Variants in CFDP1 observed in about 807,000 individuals in gnomAD.
CFDP1 encodes chromatin remodeling protein CFDP1, also known as heterochromatin-stabilizing protein CFDP1.
In CFDP1, 31 loss-of-function variants were observed where a neutral mutation model predicts 40.1. The ratio of observed to expected loss-of-function variants is 0.77; its 90% CI spans 0.58 to 1.04. CFDP1 has a LOEUF of 1.04. Ranked by LOEUF, CFDP1 falls within the 50% of genes least tolerant of loss-of-function variation. The probability of loss-of-function intolerance (pLI) is 0.00; values close to 1 mark genes in which losing one functional copy is unlikely to be tolerated. For missense variants in CFDP1, 423 were observed against 343.4 expected, an observed-to-expected ratio of 1.23 and a Z score of -1.83; for synonymous variants, 167 against 120.0, an observed-to-expected ratio of 1.39 and a Z score of -2.56.
intron 6 of CFDP1, 122 bp downstream of exon 6, chr16:75,304,902 C>G (rs937891653): frequency 2.8e-6 from 3 of 1,061,382 alleles, no homozygotes; most frequent in Non-Finnish European, 4.1e-6. Flanking sequence ...CCAAAGTGCT[C>G]ACATTTTTAG....
chr16:75,404,249 T>C (rs1263379947), intron 4 of CFDP1, among the ~76,000 whole-genome samples: 1 of 151,222 alleles, frequency 6.6e-6, no homozygotes, highest in Non-Finnish European at 1.5e-5. Context: ...TCTTTTTTTT[T>C]TTTTGAGACG....
At chr16:75,341,653 T>C (rs1230753360) in intron 5 of CFDP1, among the ~76,000 whole-genome samples, 1 of 149,242 alleles carries the variant, frequency 6.7e-6, no homozygotes, top group Non-Finnish European at 1.5e-5. Context: ...CAGCAGAGTG[T>C]AGAAAGGAAA....
intron 5 of CFDP1, among the ~76,000 whole-genome samples, chr16:75,323,471 T>C (rs2078380236): frequency 6.6e-6 from 1 of 151,646 alleles, no homozygotes; most frequent in Non-Finnish European, 1.5e-5. Context: ...GAATACACTC[T>C]AAAATAACAA....
At chr16:75,355,649 G>T (rs1459387520) in intron 5 of CFDP1, among the ~76,000 whole-genome samples, 1 of 152,146 alleles carries the variant, frequency 6.6e-6, no homozygotes. Context: ...GTCAAAGGCA[G>T]GATAAGGTGG....
At chr16:75,315,618 C>A (rs1297690573) in intron 5 of CFDP1, among the ~76,000 whole-genome samples, 1 of 152,092 alleles carries the variant, frequency 6.6e-6, no homozygotes, top group Non-Finnish European at 1.5e-5. Flanking sequence ...GAAAACAGAA[C>A]CACTATTTAT....
At chr16:75,323,055 C>T (rs909975308) in intron 5 of CFDP1, among the ~76,000 whole-genome samples, 8 of 151,994 alleles carry the variant, frequency 5.3e-5, no homozygotes, top group African/African-American at 1.9e-4. Flanking sequence ...AAAATTTAAC[C>T]TTAGCTTACT....
intron 6 of CFDP1, among the ~76,000 whole-genome samples, chr16:75,296,487 G>T (rs2078183242): frequency 6.6e-6 from 1 of 151,908 alleles, no homozygotes; most frequent in South Asian, 2.1e-4. Flanking sequence ...TCCTCACCTT[G>T]GCCTCCCAAG....
chr16:75,320,257 C>G (rs2078352931), intron 5 of CFDP1, among the ~76,000 whole-genome samples: 1 of 152,040 alleles, frequency 6.6e-6, no homozygotes, highest in African/African-American at 2.4e-5. Flanking sequence ...ATTCTGAGAC[C>G]CCCTCGGAGC....
At chr16:75,325,968 G>A (rs1034947238) in intron 5 of CFDP1, among the ~76,000 whole-genome samples, 9 of 152,308 alleles carry the variant, frequency 5.9e-5, no homozygotes, top group African/African-American at 1.7e-4. Context: ...CCTGCAGAAC[G>A]TTCAATAATC....
At chr16:75,323,844 A>G (rs928311014) in intron 5 of CFDP1, among the ~76,000 whole-genome samples, 17 of 151,844 alleles carry the variant, frequency 1.1e-4, no homozygotes, top group Non-Finnish European at 8.8e-5. Context: ...ATTCTCTTTT[A>G]TATGACTGGC....
chr16:75,382,957 G>C (rs2078864239), intron 5 of CFDP1, among the ~76,000 whole-genome samples: 1 of 152,152 alleles, frequency 6.6e-6, no homozygotes, highest in Admixed American at 6.5e-5. Flanking sequence ...TCTCAAATTA[G>C]CAACTACTGA....
Position 75,367,164 on chromosome 16 carries a change from CAAAA to C in CFDP1, c.650+27922_650+27925del, listed in dbSNP as rs35018865. 2.8e-4 allele frequency among the ~76,000 whole-genome samples: 24 copies of C among 86,974 alleles called. No homozygotes were observed. The South Asian group carries it at 8.3e-3, about 30-fold the overall frequency. The allele number at this position is 86,974 out of a possible 152,430, so 57.1% of individuals were successfully genotyped here. On this transcript the variant is annotated intron_variant, in intron 5 of 6. Coordinates refer to ENST00000283882, the MANE Select transcript of CFDP1 (RefSeq NM_006324.3). ...GAGTGACAGGAACGAGACTCCATCT[CAAAA>C]AAAAAAAAAAAAAAAAATTACTACA...
rs557979724 is a variant in CFDP1, at chr16:75,367,930, CT to C, written c.650+27159del. 3.9e-3 allele frequency among the ~76,000 whole-genome samples: 590 copies of C among 152,022 alleles called. 8 individuals carry two copies. The highest frequency in any genetic ancestry group is 0.013 in the African/African-American group (554 of 41,468). ...GACCAGCCCAGCCAACATGGTGAAA[CT>C]CTGCCTCTACTAAAAATACAAAAAT... On this transcript the variant is annotated intron_variant, in intron 5 of 6. Coordinates refer to ENST00000283882, the MANE Select transcript of CFDP1 (RefSeq NM_006324.3).
chr16:75,411,675 T>A, intron 4 of CFDP1, 150 bp downstream of exon 4: 4 of 751,196 alleles, frequency 5.3e-6, no homozygotes, highest in Non-Finnish European at 8.5e-6. Context: ...TACTCCCTGG[T>A]AATTTATAGA....
At chr16:75,411,787 G>T (rs183166002) in intron 4 of CFDP1, 38 bp downstream of exon 4, 1 of 1,589,738 alleles carries the variant, frequency 6.3e-7, no homozygotes, top group Admixed American at 1.8e-5. Flanking sequence ...GCTCATTTTT[G>T]AAAATGCTAG....
intron 5 of CFDP1, among the ~76,000 whole-genome samples, chr16:75,349,365 C>T (rs2078591764): frequency 6.6e-6 from 1 of 151,336 alleles, no homozygotes; most frequent in South Asian, 2.1e-4. Flanking sequence ...GAAAAATTAG[C>T]CGGGCGTGGT....
intron 1 of CFDP1, among the ~76,000 whole-genome samples, chr16:75,432,958 T>A (rs1193736087): frequency 1.3e-5 from 2 of 152,194 alleles, no homozygotes; most frequent in Non-Finnish European, 2.9e-5. Context: ...AGGCTCGGAC[T>A]GCCGCCCCGA....
intron 1 of CFDP1, among the ~76,000 whole-genome samples, chr16:75,422,250 C>G (rs907105777): frequency 6.6e-6 from 1 of 152,036 alleles, no homozygotes; most frequent in African/African-American, 2.4e-5. Flanking sequence ...GCGCTTGCCA[C>G]CACACCCGGC....
chr16:75,387,442 G>C (rs1404739533), intron 5 of CFDP1, among the ~76,000 whole-genome samples: 1 of 152,094 alleles, frequency 6.6e-6, no homozygotes, highest in Non-Finnish European at 1.5e-5. Context: ...CGCCCGGCCA[G>C]GGTATTCTTG....
Sources: gnomAD v4.1 joint callset for allele counts (sites outside exome capture counted in the v4.1 genomes callset) on GRCh38, gnomAD v4.1.1 for gene constraint, MANE v1.5 for transcripts, NCBI Gene and HGNC (gene_info 2026-07-23, HGNC 2026-07-21) for gene names.